Variants in SHISA9 observed in about 807,000 individuals in gnomAD.
SHISA9 encodes the protein protein shisa-9.
A neutral mutation model predicts 38.0 loss-of-function variants in SHISA9; 13 were observed. The observed-to-expected ratio is 0.34, with a 90% CI of 0.22 to 0.54. The LOEUF (loss-of-function observed/expected upper bound fraction) is 0.54, where lower values mean the gene tolerates loss of function less well. SHISA9 is among the 20% of genes least tolerant of loss of function. The pLI is 0.91. For synonymous variants in SHISA9, 275 were observed against 242.0 expected, an observed-to-expected ratio of 1.14 and a Z score of -1.27; for missense variants, 538 against 575.8, an observed-to-expected ratio of 0.93 and a Z score of 0.67.
At chr16:13,446,941 C>T in the SHISA9 span, among the ~76,000 whole-genome samples, 2 of 148,998 alleles carry the variant, frequency 1.3e-5, no homozygotes, top group Non-Finnish European at 3.0e-5. Flanking sequence ...GATCTTGCCA[C>T]TGCACTCCAG....
chr16:13,037,088 C>CA (rs1491198364), intron 2 of SHISA9, among the ~76,000 whole-genome samples: 293 of 129,580 alleles, frequency 2.3e-3, no homozygotes, highest in Non-Finnish European at 3.7e-3. Flanking sequence ...ACACACCACA[C>CA]CACACACACA....
the SHISA9 span, among the ~76,000 whole-genome samples, chr16:13,320,292 CAAAAAAAAAAAAAAAAA>C: frequency 1.5e-4 from 6 of 38,998 alleles, no homozygotes; most frequent in East Asian, 1.6e-3. Context: ...GACTCTGTCT[CAAAAAAAAAAAAAAAAA>C]AAAAAAAAAA....
At chr16:13,208,217 A>G (rs1028299558) in intron 3 of SHISA9, among the ~76,000 whole-genome samples, 2 of 151,986 alleles carry the variant, frequency 1.3e-5, no homozygotes, top group Non-Finnish European at 2.9e-5. Context: ...AAATAATTCT[A>G]CTCATTCTAG....
At chr16:13,143,734 A>G (rs1369027694) in intron 2 of SHISA9, among the ~76,000 whole-genome samples, 3 of 152,230 alleles carry the variant, frequency 2.0e-5, no homozygotes, top group Admixed American at 6.5e-5. Context: ...ATAGGAAGCT[A>G]CATTACAATC....
At position 12,913,832 on chromosome 16, in the gene SHISA9, G is replaced by A. The variant is rs952350282; in HGVS notation, c.564-2856G>A. Among the ~76,000 whole-genome samples, 5 of 151,938 alleles carry A rather than the reference G, an allele frequency of 3.3e-5. No homozygotes were observed. The East Asian group carries it at 9.7e-4, about 29-fold the overall frequency. On this transcript the variant is annotated intron_variant, in intron 1 of 4. Transcript: ENST00000558583. ...TTCAAGATTCATTTACGTTGTAGCAGGTACTAGTGCTTCATTTCTTTGTAC... is the reference window on the plus strand; with the variant it reads ...TTCAAGATTCATTTACGTTGTAGCAAGTACTAGTGCTTCATTTCTTTGTAC...
At chr16:13,248,971 A>G in the SHISA9 span, among the ~76,000 whole-genome samples, 1 of 152,166 alleles carries the variant, frequency 6.6e-6, no homozygotes, top group African/African-American at 2.4e-5. Flanking sequence ...TTATGTGCCT[A>G]TGAGTCGAGT....
chr16:13,220,887 G>T (rs998641084), intron 4 of SHISA9, among the ~76,000 whole-genome samples: 1 of 152,134 alleles, frequency 6.6e-6, no homozygotes, highest in Non-Finnish European at 1.5e-5. Context: ...GTTTCAGAGG[G>T]CTCCTGGCAG....
At chr16:13,307,297 T>G in the SHISA9 span, among the ~76,000 whole-genome samples, 2 of 152,226 alleles carry the variant, frequency 1.3e-5, no homozygotes, top group Admixed American at 6.5e-5. Flanking sequence ...TTTTTCATAT[T>G]TTGCATTCCA....
chr16:13,101,102 G>A (rs1334910695), intron 2 of SHISA9, among the ~76,000 whole-genome samples: 2 of 152,160 alleles, frequency 1.3e-5, no homozygotes, highest in East Asian at 3.9e-4. Context: ...GTGTGTCTAT[G>A]TTTCCGGGGC....
chr16:13,073,744 G>A (rs2073546516), intron 2 of SHISA9, among the ~76,000 whole-genome samples: 1 of 152,170 alleles, frequency 6.6e-6, no homozygotes, highest in African/African-American at 2.4e-5. Flanking sequence ...GTCCTTAGAA[G>A]AAAAGGGGAG....
the SHISA9 span, among the ~76,000 whole-genome samples, chr16:13,355,776 C>T: frequency 6.6e-6 from 1 of 152,158 alleles, no homozygotes; most frequent in African/African-American, 2.4e-5. Context: ...TTACCTGAAG[C>T]TCGATGTCCG....
At chr16:13,102,711 G>T (rs911797672) in intron 2 of SHISA9, among the ~76,000 whole-genome samples, 2 of 152,140 alleles carry the variant, frequency 1.3e-5, no homozygotes, top group Non-Finnish European at 2.9e-5. Context: ...CCGCTATAAT[G>T]CTTCACTGCT....
the SHISA9 span, among the ~76,000 whole-genome samples, chr16:13,280,753 C>T: frequency 6.6e-6 from 1 of 151,668 alleles, no homozygotes; most frequent in Non-Finnish European, 1.5e-5. Context: ...CACCCTTTAA[C>T]TCAAAATCAA....
chr16:13,041,208 G>A (rs889148209), intron 2 of SHISA9, among the ~76,000 whole-genome samples: 5 of 152,196 alleles, frequency 3.3e-5, no homozygotes, highest in African/African-American at 4.8e-5. Context: ...AAGGAGTGCA[G>A]GCCCCCACAA....
At chr16:13,123,200 T>A (rs939150859) in intron 2 of SHISA9, among the ~76,000 whole-genome samples, 1 of 151,880 alleles carries the variant, frequency 6.6e-6, no homozygotes, top group African/African-American at 2.4e-5. Context: ...GACAGAAAAA[T>A]TAAAAAGACA....
At chr16:13,372,982 A>G in the SHISA9 span, among the ~76,000 whole-genome samples, 9 of 152,340 alleles carry the variant, frequency 5.9e-5, no homozygotes, top group South Asian at 2.1e-4. Flanking sequence ...TGCTTTAAAC[A>G]TAAAATAGTA....
chr16:13,166,242 A>G lies in SHISA9; in HGVS notation c.692-37152A>G, dbSNP rs191517353. On this transcript the variant is annotated intron_variant, in intron 2 of 4. Transcript: ENST00000558583. ...CAACGTCAGACTTCTAAGAGTTTCT[A>G]CAATGATATGTTATCCTTTTCTGTT... 1.2e-3 allele frequency among the ~76,000 whole-genome samples: 187 copies of G among 152,340 alleles called. 1 individual carries two copies. The highest frequency in any genetic ancestry group is 0.01 in the Middle Eastern group (3 of 294).
chr16:13,535,832 A>G, the SHISA9 span, among the ~76,000 whole-genome samples: 2 of 152,184 alleles, frequency 1.3e-5, no homozygotes, highest in Non-Finnish European at 2.9e-5. Context: ...TCATATTTGC[A>G]ATAAAATGCC....
At chr16:13,106,422 C>G (rs898432574) in intron 2 of SHISA9, among the ~76,000 whole-genome samples, 1 of 152,092 alleles carries the variant, frequency 6.6e-6, no homozygotes, top group African/African-American at 2.4e-5. Flanking sequence ...CTTTCTGAAC[C>G]TCAGTTTCCT....
Sources: allele counts gnomAD v4.1 joint callset (sites outside exome capture counted in the v4.1 genomes callset), GRCh38; gene constraint gnomAD v4.1.1; transcripts MANE v1.5; gene names NCBI Gene and HGNC (gene_info 2026-07-23, HGNC 2026-07-21).